BBS5: variants seen among roughly 807,000 people sequenced by gnomAD.
The protein encoded by BBS5 is Bardet-Biedl syndrome 5, also known as BBSome complex member BBS5.
Under a neutral mutation model 50.2 loss-of-function variants are expected in BBS5, and 39 were observed. The observed-to-expected ratio is 0.78, with a 90% CI of 0.60 to 1.01. The LOEUF (loss-of-function observed/expected upper bound fraction) is 1.01. BBS5 is among the 50% of genes least tolerant of loss of function. The pLI is 0.00. For missense variants in BBS5, 356 were observed against 401.5 expected (o/e 0.89, Z 0.97); for synonymous variants, 134 against 133.1 (o/e 1.01, Z -0.05).
intron 7 of BBS5, 25 bp downstream of exon 7, chr2:169,493,861 T>G: frequency 7.0e-7 from 1 of 1,428,698 alleles, no homozygotes; most frequent in Non-Finnish European, 9.9e-7. Context: ...TTTGATGACC[T>G]TATTTTAATG....
At chr2:169,496,879 A>G (rs1683704339) in intron 7 of BBS5, among the ~76,000 whole-genome samples, 1 of 152,172 alleles carries the variant, frequency 6.6e-6, no homozygotes, top group Admixed American at 6.5e-5. Flanking sequence ...AAAAAAAAAA[A>G]ACCTTAAATA....
rs967710409 is a variant in BBS5, at chr2:169,488,261, G to T, written c.386+147G>T. The T allele has an allele frequency of 6.7e-6, 5 of 744,344 alleles. No homozygotes were observed. The East Asian group carries it at 7.8e-5, about 12-fold the overall frequency. 46.1% of individuals were successfully genotyped at this position (744,344 alleles called of 1,614,324 possible). ...TTGGGTGAGGGTATGGTTTCAAGAT[G>T]ATTCAAGTGTATTACATTTATTGTG... On this transcript the variant is annotated intron_variant, in intron 5 of 11. Transcript: ENST00000295240.
intron 5 of BBS5, among the ~76,000 whole-genome samples, chr2:169,489,851 CTTTTTTTTTTTTTTTTTTTTTT>C (rs71003093): frequency 0.012 from 765 of 65,882 alleles, 16 homozygotes; most frequent in Non-Finnish European, 0.015. Context: ...CATAAATTTC[CTTTTTTTTTTTTTTTTTTTTTT>C]TTTTTTTTTT....
Position 169,503,192 on chromosome 2 carries a change from A to C in BBS5, c.900+14A>C. Reference sequence around the variant, plus strand: ...GATGCTTTTGTGGTGAGCATCACAAAGGACAGCATTAAATTTCTTAAGGAT... The same window carrying C: ...GATGCTTTTGTGGTGAGCATCACAACGGACAGCATTAAATTTCTTAAGGAT... On this transcript the variant is annotated intron_variant, in intron 10 of 11. Coordinates refer to ENST00000295240, the MANE Select transcript of BBS5 (RefSeq NM_152384.3). 1 of 1,585,778 alleles carries C rather than the reference A, an allele frequency of 6.3e-7. No homozygotes were observed. The highest frequency in any genetic ancestry group is 8.7e-7 in the Non-Finnish European group (1 of 1,154,760).
chr2:169,498,528 G>C (rs1335664335), intron 8 of BBS5, among the ~76,000 whole-genome samples: 2 of 152,086 alleles, frequency 1.3e-5, no homozygotes, highest in Non-Finnish European at 2.9e-5. Flanking sequence ...GCTTAGAAAG[G>C]TTAAGGAGGC....
In BBS5 at chr2:169,503,308, A is replaced by G. The variant is rs1206269099; in HGVS notation, c.900+130A>G. 8 of 767,284 alleles carry G rather than the reference A, an allele frequency of 1.0e-5. No homozygotes were observed. In the East Asian group the frequency reaches 1.4e-4, roughly 13 times the overall value. The allele number at this position is 767,284 out of a possible 1,614,324, so 47.5% of individuals were successfully genotyped here. Reference sequence around the variant, plus strand: ...TGGTGTCTTAAACCTGAGTTTGAAGATAATATTTTTAGTGAGGGATTTCTT... The same window carrying G: ...TGGTGTCTTAAACCTGAGTTTGAAGGTAATATTTTTAGTGAGGGATTTCTT... On this transcript the variant is annotated intron_variant, in intron 10 of 11. Coordinates refer to ENST00000295240, the MANE Select transcript of BBS5 (RefSeq NM_152384.3).
In BBS5 at chr2:169,482,419, A is replaced by T. The variant is rs977592051; in HGVS notation, c.142+86A>T. On this transcript the variant is annotated intron_variant, in intron 2 of 11. Transcript: ENST00000295240. ...TTAGCTAGAGAATATATGAAACAGC[A>T]TCATTTGTCAGTGTAATTGTGAGAA... 8.9e-6 allele frequency: 8 copies of T among 902,736 alleles called. No individual in the cohort carries two copies. The Admixed American group carries it at 1.0e-4, about 12-fold the overall frequency. 55.9% of individuals were successfully genotyped at this position (902,736 alleles called of 1,614,324 possible).
chr2:169,503,229 C>A, intron 10 of BBS5, 51 bp downstream of exon 10: 1 of 1,416,714 alleles, frequency 7.1e-7, no homozygotes, highest in Non-Finnish European at 9.9e-7. Context: ...TTATCTCAGT[C>A]TTGTTTAATA....
chr2:169,487,026 G>A lies in BBS5; in HGVS notation c.143-43G>A, dbSNP rs562440651. On this transcript the variant is annotated intron_variant, in intron 2 of 11. Transcript: ENST00000295240. The stretch of plus-strand genomic sequence containing the variant: ...ATCTCATTCAGTGCTGCAAAAATGG[G>A]TTCTTATTTAAGTTAACCTATTTTT... 4.4e-6 allele frequency: 6 copies of A among 1,365,118 alleles called. No individual in the cohort carries two copies. In the East Asian group the frequency reaches 1.4e-4, roughly 31 times the overall value. 84.6% of individuals were successfully genotyped at this position (1,365,118 alleles called of 1,614,324 possible).
At chr2:169,484,833 GA>G (rs1248379344) in intron 2 of BBS5, among the ~76,000 whole-genome samples, 4 of 152,146 alleles carry the variant, frequency 2.6e-5, no homozygotes, top group Non-Finnish European at 5.9e-5. Flanking sequence ...AGCTGTGTGA[GA>G]ATAAAAGGGA....
rs1683869794 is a variant in BBS5, at chr2:169,504,670, A to G, written c.*88A>G. On this transcript the variant is annotated 3_prime_UTR_variant, in exon 12 of 12. Transcript: ENST00000295240. ...TGCCATAAGTCATGGAATAGTTTTT[A>G]TATTTACAGCTTTTATATTTAAAAC... The G allele has an allele frequency of 8.3e-7, 1 of 1,197,992 alleles. No homozygotes were observed. The highest frequency in any genetic ancestry group is 2.4e-5 in the East Asian group (1 of 41,398). The allele number at this position is 1,197,992 out of a possible 1,614,324, so 74.2% of individuals were successfully genotyped here.
At chr2:169,497,717 T>C in intron 8 of BBS5, 28 bp downstream of exon 8, 1 of 1,465,590 alleles carries the variant, frequency 6.8e-7, no homozygotes, top group East Asian at 2.3e-5. Context: ...TTTATTAATC[T>C]TTGATTTTTA....
Position 169,504,650 on chromosome 2 carries a change from T to C in BBS5, c.*68T>C. The C allele has an allele frequency of 8.0e-7, 1 of 1,257,370 alleles. No homozygotes were observed. The highest frequency in any genetic ancestry group is 1.2e-6 in the Non-Finnish European group (1 of 856,120). The allele number at this position is 1,257,370 out of a possible 1,614,324, so 77.9% of individuals were successfully genotyped here. ...GTTTAAAGATACTAGTCACCTGCCATAAGTCATGGAATAGTTTTTATATTT... is the reference window on the plus strand; with the variant it reads ...GTTTAAAGATACTAGTCACCTGCCACAAGTCATGGAATAGTTTTTATATTT... On this transcript the variant is annotated 3_prime_UTR_variant, in exon 12 of 12. Coordinates refer to ENST00000295240, the MANE Select transcript of BBS5 (RefSeq NM_152384.3).
Position 169,492,911 on chromosome 2 carries a change from T to A in BBS5, c.424T>A (p.Leu142Ile). 2 of 1,612,736 alleles carry A rather than the reference T, an allele frequency of 1.2e-6. No individual in the cohort carries two copies. Among genetic ancestry groups the A allele is most frequent in the Non-Finnish European group, 1.7e-6 (2 of 1,179,064 alleles). ...ETSKMYRDFK[L>I]RSALIQNKQL... ...TTCTAAAATGTATCGTGATTTTAAA[T>A]TAAGAAGTGCACTAATTCAGAACAA... Residue 142 changes from leucine (L) to isoleucine (I), a missense_variant, in exon 6 of 12, where the codon TTA (leucine) becomes ATA (isoleucine). Coordinates refer to ENST00000295240, the MANE Select transcript of BBS5 (RefSeq NM_152384.3).
chr2:169,494,973 G>T (rs1248753365), intron 7 of BBS5, among the ~76,000 whole-genome samples: 1 of 152,110 alleles, frequency 6.6e-6, no homozygotes, highest in African/African-American at 2.4e-5. Flanking sequence ...CCTATTTTTG[G>T]CTAAATTGTT....
intron 8 of BBS5, chr2:169,499,152 C>T (rs963796034): frequency 3.8e-6 from 1 of 265,296 alleles, no homozygotes; most frequent in Non-Finnish European, 7.2e-6. Flanking sequence ...TGAAAGGTTA[C>T]CTTTGATATT....
At chr2:169,489,325 TG>T (rs1177450483) in intron 5 of BBS5, among the ~76,000 whole-genome samples, 1 of 151,812 alleles carries the variant, frequency 6.6e-6, no homozygotes, top group Non-Finnish European at 1.5e-5. Flanking sequence ...TAGCTGAGCA[TG>T]GTGGTGCATG....
chr2:169,479,607 C>A lies in BBS5; in HGVS notation c.54C>A (p.Ser18=), dbSNP rs769662125. The A allele has an allele frequency of 6.2e-7, 1 of 1,614,140 alleles. No individual in the cohort carries two copies. Among genetic ancestry groups the A allele is most frequent in the Non-Finnish European group, 8.5e-7 (1 of 1,179,986 alleles). The change falls in exon 1 of 12, where the codon TCC becomes TCA. Residue 18 remains serine, a synonymous_variant. Transcript: ENST00000295240. Reference sequence around the variant, plus strand: ...ATCGGGATGTCCGTTTCGACCTGTCCGCGCAGTGAGTTTCCAAGATTCCCG... The same window carrying A: ...ATCGGGATGTCCGTTTCGACCTGTCAGCGCAGTGAGTTTCCAAGATTCCCG... ...WEDRDVRFDL[S]AQQMKTRPGE... is the part of the protein sequence containing the mutation.
intron 10 of BBS5, 72 bp downstream of exon 10, chr2:169,503,250 G>C: frequency 8.1e-7 from 1 of 1,233,908 alleles, no homozygotes; most frequent in Non-Finnish European, 1.2e-6. Context: ...AAATAATGGT[G>C]TGTGTGAAAC....
Sources: gnomAD v4.1 joint callset for allele counts (sites outside exome capture counted in the v4.1 genomes callset) on GRCh38, gnomAD v4.1.1 for gene constraint, MANE v1.5 for transcripts, NCBI Gene and HGNC (gene_info 2026-07-23, HGNC 2026-07-21) for gene names.